The following TNKS2 variants were observed in gnomAD, a reference collection of about 807,000 sequenced individuals.
TNKS2 encodes poly [ADP-ribose] polymerase tankyrase-2.
TNKS2 carries 72 observed loss-of-function variants against 137.6 expected under a neutral mutation model. The observed-to-expected ratio is 0.52, with a 90% CI of 0.43 to 0.64. TNKS2 has a LOEUF of 0.64. TNKS2 is among the 30% of genes least tolerant of loss of function. The pLI is 0.00. For missense variants in TNKS2, 1,049 were observed against 1,410.2 expected (o/e 0.74, Z 4.10); for synonymous variants, 516 against 512.1 (o/e 1.01, Z -0.10).
intron 18 of TNKS2, 107 bp from the exon 19 acceptor site, chr10:91,848,276 C>T: frequency 3.2e-6 from 4 of 1,238,752 alleles, no homozygotes; most frequent in East Asian, 2.6e-5. Context: ...TGTGATAGTA[C>T]TGGCACAAAT....
Position 91,798,585 on chromosome 10 carries a change from G to T in TNKS2, c.-106G>T. The T allele has an allele frequency of 8.5e-7, 1 of 1,174,920 alleles. No homozygotes were observed. Among genetic ancestry groups the T allele is most frequent in the Non-Finnish European group, 1.1e-6 (1 of 945,522 alleles). 72.8% of individuals were successfully genotyped at this position (1,174,920 alleles called of 1,614,324 possible). ...TGACAGCAGGGAGCCAAGCGGCCCGGGCCCTGAGCGCGTCTTCTCCGGGGG... is the reference window on the plus strand; with the variant it reads ...TGACAGCAGGGAGCCAAGCGGCCCGTGCCCTGAGCGCGTCTTCTCCGGGGG... On this transcript the variant is annotated 5_prime_UTR_variant, in exon 1 of 27. Transcript: ENST00000371627.
Position 91,798,456 on chromosome 10 carries a change from G to A in TNKS2, c.-235G>A, listed in dbSNP as rs879115409. 4 of 324,716 alleles carry A rather than the reference G, an allele frequency of 1.2e-5. No homozygotes were observed. The highest frequency in any genetic ancestry group is 2.2e-5 in the African/African-American group (1 of 45,868). 20.1% of individuals were successfully genotyped at this position (324,716 alleles called of 1,614,324 possible). On this transcript the variant is annotated 5_prime_UTR_variant, in exon 1 of 27. Transcript: ENST00000371627. Reference sequence around the variant, plus strand: ...CCGCCGCCGCGTCGTTTCAGGACCCGGACGGCGGATTCGCGCTGCCTCCGC... The same window carrying A: ...CCGCCGCCGCGTCGTTTCAGGACCCAGACGGCGGATTCGCGCTGCCTCCGC...
chr10:91,853,786 G>T (rs1432892073), intron 21 of TNKS2, among the ~76,000 whole-genome samples: 1 of 152,206 alleles, frequency 6.6e-6, no homozygotes. Context: ...TGGCATGTTG[G>T]TAGTAGTCCT....
chr10:91,861,428 A>G (rs1382908637), intron 25 of TNKS2, among the ~76,000 whole-genome samples: 1 of 152,186 alleles, frequency 6.6e-6, no homozygotes, highest in African/African-American at 2.4e-5. Context: ...CAGAAAAGTG[A>G]CTTGATCTAA....
chr10:91,851,528 G>A (rs1021348490), intron 21 of TNKS2, among the ~76,000 whole-genome samples, 192 bp downstream of exon 21: 5 of 152,176 alleles, frequency 3.3e-5, no homozygotes, highest in African/African-American at 4.8e-5. Context: ...TGCTGTTAAC[G>A]ATGTGAACCT....
chr10:91,798,569 G>C lies in TNKS2; in HGVS notation c.-122G>C, dbSNP rs1030206574. ...ACTGCGCCGGATCCGGTGACAGCAG[G>C]GAGCCAAGCGGCCCGGGCCCTGAGC... On this transcript the variant is annotated 5_prime_UTR_variant, in exon 1 of 27. Transcript: ENST00000371627. 7 of 1,119,502 alleles carry C rather than the reference G, an allele frequency of 6.3e-6. No homozygotes were observed. The highest frequency in any genetic ancestry group is 7.2e-5 in the East Asian group (2 of 27,614). 69.3% of individuals were successfully genotyped at this position (1,119,502 alleles called of 1,614,324 possible).
At chr10:91,828,181 G>A in intron 8 of TNKS2, 104 bp from the exon 9 acceptor site, 2 of 1,237,158 alleles carry the variant, frequency 1.6e-6, no homozygotes, top group Non-Finnish European at 2.2e-6. Flanking sequence ...GGCTATTTTG[G>A]AAGATTATTT....
At chr10:91,843,211 C>T (rs1246692501) in intron 16 of TNKS2, among the ~76,000 whole-genome samples, 1 of 152,098 alleles carries the variant, frequency 6.6e-6, no homozygotes, top group African/African-American at 2.4e-5. Flanking sequence ...GTGGCTTAAA[C>T]AACAGAAATT....
intron 16 of TNKS2, 108 bp from the exon 17 acceptor site, chr10:91,844,811 T>A (rs1009799194): frequency 2.8e-5 from 18 of 632,526 alleles, no homozygotes; most frequent in Non-Finnish European, 4.6e-5. Flanking sequence ...AATACATATA[T>A]ATATGTATAC....
At chr10:91,845,684 T>C in intron 17 of TNKS2, 68 bp from the exon 18 acceptor site, 1 of 1,295,534 alleles carries the variant, frequency 7.7e-7, no homozygotes, top group East Asian at 2.6e-5. Context: ...ACGTAACTAG[T>C]TTCATTTTAA....
chr10:91,813,747 G>A (rs962470968), intron 2 of TNKS2, among the ~76,000 whole-genome samples: 2 of 152,130 alleles, frequency 1.3e-5, no homozygotes, highest in Admixed American at 6.6e-5. Context: ...CATGCTCCAC[G>A]TAACTCCATT....
chr10:91,836,676 T>G lies in TNKS2; in HGVS notation c.1448-243T>G, dbSNP rs976895123. 6 of 985,270 alleles carry G rather than the reference T, an allele frequency of 6.1e-6. No individual in the cohort carries two copies. The African/African-American group carries it at 1.0e-4, about 17-fold the overall frequency. The allele number at this position is 985,270 out of a possible 1,614,324, so 61.0% of individuals were successfully genotyped here. A position where few individuals can be genotyped will look rare whatever the true frequency, so the allele number is the denominator to read the frequency against. ...TTTATGTTCCTTTATATTGCTTACA[T>G]CACATTTTATAATCATTATACACAT... On this transcript the variant is annotated intron_variant, in intron 12 of 26. Transcript: ENST00000371627.
At chr10:91,828,498 G>A (rs1341835936) in intron 9 of TNKS2, 92 bp downstream of exon 9, 1 of 1,240,550 alleles carries the variant, frequency 8.1e-7, no homozygotes, top group South Asian at 2.4e-5. Context: ...GCATTTTTTT[G>A]AGTCTATAGT....
chr10:91,855,412 T>C (rs1053510745), intron 22 of TNKS2, among the ~76,000 whole-genome samples: 1 of 152,200 alleles, frequency 6.6e-6, no homozygotes, highest in African/African-American at 2.4e-5. Flanking sequence ...GGTCTTGAAC[T>C]CCTGAGCTCA....
At chr10:91,810,366 A>T (rs1027761071) in intron 1 of TNKS2, among the ~76,000 whole-genome samples, 5 of 149,644 alleles carry the variant, frequency 3.3e-5, no homozygotes, top group Non-Finnish European at 7.4e-5. Flanking sequence ...TGACAGAGTG[A>T]GACTCTGTCT....
At chr10:91,840,539 T>C in intron 13 of TNKS2, 22 bp from the exon 14 acceptor site, 3 of 1,596,466 alleles carry the variant, frequency 1.9e-6, no homozygotes, top group Non-Finnish European at 1.7e-6. Context: ...TAGTATCATG[T>C]ATGTTGTGTT....
In TNKS2 at chr10:91,845,878, G is replaced by A. The variant is rs1482093623; in HGVS notation, c.2296G>A (p.Ala766Thr). ...AACACAGCTTTGTGCTTTGTTGCTA[G>A]CCCATGGAGCTGACCCGACTCTTAA... Reference protein sequence around the residue: ...GRTQLCALLLAHGADPTLKNQ... With the variant: ...GRTQLCALLLTHGADPTLKNQ... The change falls in exon 18 of 27, where the codon GCC becomes ACC. Residue 766 changes from alanine (A) to threonine (T), a missense_variant. By Grantham distance (58) the Ala-to-Thr change is moderately conservative. Transcript: ENST00000371627. 3 of 1,606,676 alleles carry A rather than the reference G, an allele frequency of 1.9e-6. No individual in the cohort carries two copies. Among genetic ancestry groups the A allele is most frequent in the Admixed American group, 1.7e-5 (1 of 59,822 alleles).
At position 91,848,815 on chromosome 10, in the gene TNKS2, G is replaced by A. The variant is rs189100967; in HGVS notation, c.2611+180G>A. Among the ~76,000 whole-genome samples, 198 of 152,160 alleles carry A rather than the reference G, an allele frequency of 1.3e-3. 1 individual carries two copies. Among genetic ancestry groups the A allele is most frequent in the African/African-American group, 4.5e-3 (187 of 41,532 alleles). On this transcript the variant is annotated intron_variant, in intron 19 of 26. Coordinates refer to ENST00000371627, the MANE Select transcript of TNKS2 (RefSeq NM_025235.4). ...TTCCTTCCAAGTTGACAGTTGAAGA[G>A]TCTTGTGCTACTAACCTACTATTTA...
chr10:91,803,764 C>T (rs1844246913), intron 1 of TNKS2, among the ~76,000 whole-genome samples: 1 of 152,166 alleles, frequency 6.6e-6, no homozygotes, highest in Non-Finnish European at 1.5e-5. Context: ...ACTACAGGAG[C>T]TTTGTTTTGT....
Sources: gnomAD v4.1 joint callset for allele counts (sites outside exome capture counted in the v4.1 genomes callset) on GRCh38, gnomAD v4.1.1 for gene constraint, MANE v1.5 for transcripts, NCBI Gene and HGNC (gene_info 2026-07-23, HGNC 2026-07-21) for gene names.